SLFN11: variants seen among roughly 807,000 people sequenced by gnomAD.
The protein encoded by SLFN11 is schlafen family member 11.
SLFN11 carries 43 observed loss-of-function variants against 53.4 expected under a neutral mutation model. That is an observed-to-expected ratio of 0.80 (90% CI 0.63 to 1.04). SLFN11 has a LOEUF of 1.04. Ranked by LOEUF, SLFN11 falls within the 50% of genes least tolerant of loss-of-function variation. The pLI, the probability that SLFN11 is intolerant of heterozygous loss-of-function variation, is 0.00. For synonymous variants in SLFN11, 389 were observed against 394.7 expected (o/e 0.99, Z 0.17); for missense variants, 990 against 1,079.1 (o/e 0.92, Z 1.16).
Position 35,352,693 on chromosome 17 carries a change from G to GTCAT in SLFN11, c.2365_2368dup (p.Thr790AsnfsTer13). The GTCAT allele has an allele frequency of 6.2e-7, 1 of 1,614,186 alleles. No homozygotes were observed. The highest frequency in any genetic ancestry group is 8.5e-7 in the Non-Finnish European group (1 of 1,180,044). On this transcript the variant is annotated frameshift_variant, in exon 7 of 7. Coordinates refer to ENST00000685675, the MANE Select transcript of SLFN11 (RefSeq NM_001376007.1). LOFTEE classifies it low-confidence loss of function (END_TRUNC). ...GCGCCTGCACGTGTCTGCCACACAGGTCATTATTTGCTCCACAGTCAAGTA... is the reference window on the plus strand; with the variant it reads ...GCGCCTGCACGTGTCTGCCACACAGGTCATTCATTATTTGCTCCACAGTCAAGTA...
At position 35,363,514 on chromosome 17, in the gene SLFN11, T is replaced by C. The variant is rs1908542217; in HGVS notation, c.294A>G (p.Gln98=). 1 of 1,613,932 alleles carries C rather than the reference T, an allele frequency of 6.2e-7. No individual in the cohort carries two copies. Among genetic ancestry groups the C allele is most frequent in the Non-Finnish European group, 8.5e-7 (1 of 1,179,992 alleles). The change falls in exon 4 of 7, where the codon CAA becomes CAG. Residue 98 remains glutamine, a synonymous_variant. Coordinates refer to ENST00000685675, the MANE Select transcript of SLFN11 (RefSeq NM_001376007.1). ...SDLQAFFETK[Q]QGRCFYIFVK... ...CAAAAATGTAAAAACACCTTCCTTGTTGCTTGGTCTCAAAGAAAGCCTGCA... is the reference window on the plus strand; with the variant it reads ...CAAAAATGTAAAAACACCTTCCTTGCTGCTTGGTCTCAAAGAAAGCCTGCA...
At chr17:35,361,804 G>A (rs887795240) in intron 4 of SLFN11, among the ~76,000 whole-genome samples, 11 of 151,762 alleles carry the variant, frequency 7.2e-5, no homozygotes, top group African/African-American at 2.7e-4. Flanking sequence ...GAGTGCAGTG[G>A]TGCAATCTCG....
rs901655776 is a variant in SLFN11 at position 35,360,066 on chromosome 17, G to C, written c.1198+177C>G. 11 of 575,614 alleles carry C rather than the reference G, an allele frequency of 1.9e-5. No homozygotes were observed. The African/African-American group carries it at 2.2e-4, about 11-fold the overall frequency. The allele number at this position is 575,614 out of a possible 1,614,324, so 35.7% of individuals were successfully genotyped here. A position where few individuals can be genotyped will look rare whatever the true frequency, so the allele number is the denominator to read the frequency against. ...ATGTGTGGTCCTGCCTTAGCCAGTGGGGTCAGTAAGGGTTCATTTCTAAAC... is the reference window on the plus strand; with the variant it reads ...ATGTGTGGTCCTGCCTTAGCCAGTGCGGTCAGTAAGGGTTCATTTCTAAAC... On this transcript the variant is annotated intron_variant, in intron 5 of 6. Transcript: ENST00000685675.
rs755048082 is a variant in SLFN11, at chr17:35,352,537, C to T, written c.2525G>A (p.Cys842Tyr). The change falls in exon 7 of 7, where the codon TGT (cysteine) becomes TAT (tyrosine). Residue 842 changes from cysteine to tyrosine, a missense_variant. Physicochemically the swap from Cys to Tyr is radical, Grantham distance 194. Transcript: ENST00000685675. ...CACAATGTGATCACCCAACATATCA[C>T]ATGCATCACTGAGCTGCACCACCCT... ...KKRVVQLSDA[C>Y]DMLGDHIVLD... 8 of 1,614,224 alleles carry T rather than the reference C, an allele frequency of 5.0e-6. No homozygotes were observed. Among genetic ancestry groups the T allele is most frequent in the Non-Finnish European group, 6.8e-6 (8 of 1,180,038 alleles).
At chr17:35,358,785 G>GTTTTCCTTTTCC (rs537404157) in intron 5 of SLFN11, among the ~76,000 whole-genome samples, 1 of 151,940 alleles carries the variant, frequency 6.6e-6, no homozygotes, top group Non-Finnish European at 1.5e-5. Flanking sequence ...ATTAATCTGA[G>GTTTTCCTTTTCC]TTTTCCTTTT....
chr17:35,367,401 T>G (rs1487473728), intron 2 of SLFN11: 2 of 152,096 alleles, frequency 1.3e-5, no homozygotes, highest in Non-Finnish European at 2.9e-5. Context: ...TTCCTTAGGA[T>G]TAAAGGAATT....
chr17:35,373,347 C>G (rs1415436000), intron 1 of SLFN11, 127 bp downstream of exon 1: 1 of 150,584 alleles, frequency 6.6e-6, no homozygotes, highest in Non-Finnish European at 1.5e-5. Context: ...GGCCCCCGGA[C>G]AGGGGAGAAA....
chr17:35,362,747 G>A lies in SLFN11; in HGVS notation c.1061C>T (p.Thr354Ile). The A allele has an allele frequency of 6.4e-7, 1 of 1,561,486 alleles. No individual in the cohort carries two copies. Among genetic ancestry groups the A allele is most frequent in the South Asian group, 1.2e-5 (1 of 84,090 alleles). The change falls in exon 4 of 7, where the codon ACA becomes ATA. Residue 354 changes from threonine to isoleucine, a missense_variant. This residue lies in a region of SLFN11 where 521 missense variants were observed against 516.2 expected (regional missense o/e 1.01). Coordinates refer to ENST00000685675, the MANE Select transcript of SLFN11 (RefSeq NM_001376007.1). The stretch of plus-strand genomic sequence containing the variant: ...AGCTTTCTCCCTCTTACCTGGATCT[G>A]TGTCTGTCATCATGCCTACCCATTT... The part of the protein sequence containing the change: ...TEKWVGMMTD[T>I]DPDLLQLSED...
At chr17:35,357,700 T>TATATATATAATATATATTTAA (rs1223837915) in intron 5 of SLFN11, among the ~76,000 whole-genome samples, 1 of 145,974 alleles carries the variant, frequency 6.9e-6, no homozygotes, top group African/African-American at 2.5e-5. Context: ...TTTTATTATT[T>TATATATATAATATATATTTAA]ATATATATAA....
At chr17:35,371,815 C>A (rs1229869849) in intron 1 of SLFN11, among the ~76,000 whole-genome samples, 2 of 151,944 alleles carry the variant, frequency 1.3e-5, no homozygotes, top group Non-Finnish European at 2.9e-5. Flanking sequence ...AAAAGACGGG[C>A]AATAACAAAC....
intron 4 of SLFN11, among the ~76,000 whole-genome samples, chr17:35,360,832 C>T (rs1908113598): frequency 2.0e-5 from 3 of 152,072 alleles, no homozygotes; most frequent in Admixed American, 6.6e-5. Context: ...GGCTTGGGCA[C>T]AGTAGCTTGT....
chr17:35,363,871 A>G (rs1908606389), intron 3 of SLFN11, 45 bp from the exon 4 acceptor site: 1 of 1,423,426 alleles, frequency 7.0e-7, no homozygotes, highest in Non-Finnish European at 9.5e-7. Context: ...TTCATTTATT[A>G]AAAGGGTATT....
chr17:35,352,046 G>A lies in SLFN11; in HGVS notation c.*310C>T. The A allele has an allele frequency of 3.2e-6, 1 of 313,252 alleles. No homozygotes were observed. Among genetic ancestry groups the A allele is most frequent in the Non-Finnish European group, 5.8e-6 (1 of 171,340 alleles). The allele number at this position is 313,252 out of a possible 1,614,324, so 19.4% of individuals were successfully genotyped here. On this transcript the variant is annotated 3_prime_UTR_variant, in exon 7 of 7. Transcript: ENST00000685675. ...GGAAGAAAGAAAGGCCACAGGCTGA[G>A]TTTCTTATTTTTATGGCTTTTACCC...
chr17:35,363,481 A>T lies in SLFN11; in HGVS notation c.327T>A (p.Ser109=), dbSNP rs1167396443. The T allele has an allele frequency of 6.2e-7, 1 of 1,613,890 alleles. No homozygotes were observed. The highest frequency in any genetic ancestry group is 8.5e-7 in the Non-Finnish European group (1 of 1,179,982). The change falls in exon 4 of 7, where the codon TCT becomes TCA. Residue 109 remains serine (S), a synonymous_variant. Coordinates refer to ENST00000685675, the MANE Select transcript of SLFN11 (RefSeq NM_001376007.1). The part of the protein sequence containing the change: ...QGRCFYIFVK[S]WSSGPFPEDR... ...CTTCAGGGAAAGGGCCACTGCTCCA[A>T]GATTTAACAAAAATGTAAAAACACC...
chr17:35,359,336 A>G (rs1018863739), intron 5 of SLFN11, among the ~76,000 whole-genome samples: 2 of 152,136 alleles, frequency 1.3e-5, no homozygotes, highest in Non-Finnish European at 2.9e-5. Context: ...TTTGATATGT[A>G]AATGAATGCA....
chr17:35,372,125 G>C (rs1909753777), intron 1 of SLFN11, among the ~76,000 whole-genome samples: 1 of 152,124 alleles, frequency 6.6e-6, no homozygotes, highest in African/African-American at 2.4e-5. Context: ...ATACACAATG[G>C]AGTACTATTC....
intron 5 of SLFN11, among the ~76,000 whole-genome samples, chr17:35,358,274 T>C (rs1202047125): frequency 6.6e-6 from 1 of 151,672 alleles, no homozygotes; most frequent in East Asian, 1.9e-4. Flanking sequence ...TTTTATAGTT[T>C]CTTCTTATAA....
In SLFN11 at chr17:35,350,937, A is replaced by G. The variant is rs760689262; in HGVS notation, c.*1419T>C. 1.3e-5 allele frequency: 2 copies of G among 152,258 alleles called. No individual in the cohort carries two copies. The highest frequency in any genetic ancestry group is 2.9e-5 in the Non-Finnish European group (2 of 68,044). The allele number at this position is 152,258 out of a possible 1,614,324, so 9.4% of individuals were successfully genotyped here. A position where few individuals can be genotyped will look rare whatever the true frequency, so the allele number is the denominator to read the frequency against. On this transcript the variant is annotated 3_prime_UTR_variant, in exon 7 of 7. Transcript: ENST00000685675. ...ATTAGTGTTTTAGAACGTTTTGTAG[A>G]GACTGAAAAGCAAATAAATAATTGC...
intron 5 of SLFN11, among the ~76,000 whole-genome samples, chr17:35,355,454 A>C (rs948382595): frequency 1.3e-5 from 2 of 152,104 alleles, no homozygotes; most frequent in African/African-American, 2.4e-5. Context: ...CACCACTAGG[A>C]AATGGCAGGG....
Sources: allele counts gnomAD v4.1 joint callset (sites outside exome capture counted in the v4.1 genomes callset), GRCh38; gene constraint gnomAD v4.1.1; regional missense constraint gnomAD v4.1.1; transcripts MANE v1.5; gene names NCBI Gene and HGNC (gene_info 2026-07-23, HGNC 2026-07-21).